The following SERPINB12 variants were observed in gnomAD, a reference collection of about 807,000 sequenced individuals.
SERPINB12 encodes the protein serpin family B member 12, also known as serpin B12.
In SERPINB12, 57 loss-of-function variants were observed where a neutral mutation model predicts 41.1. The observed-to-expected ratio is 1.39, with a 90% confidence interval of 1.12 to 1.73. SERPINB12 has a LOEUF of 1.73. SERPINB12 is among the 40% of genes most tolerant of loss of function. SERPINB12 has a pLI of 0.00. For synonymous variants in SERPINB12, 180 were observed against 181.3 expected, an observed-to-expected ratio of 0.99 and a Z score of 0.06; for missense variants, 536 against 501.9, an observed-to-expected ratio of 1.07 and a Z score of -0.65.
At chr18:63,564,871 A>G (rs184579785) in intron 6 of SERPINB12, among the ~76,000 whole-genome samples, 1 of 152,276 alleles carries the variant, frequency 6.6e-6, no homozygotes, top group Non-Finnish European at 1.5e-5. Flanking sequence ...GTTTACTAAT[A>G]GTCACCTTGG....
At chr18:63,559,050 C>CT (rs754333928) in intron 3 of SERPINB12, among the ~76,000 whole-genome samples, 3 of 91,592 alleles carry the variant, frequency 3.3e-5, no homozygotes, top group African/African-American at 9.2e-5. Flanking sequence ...TTCTTTCTTT[C>CT]TTTCTTTCTC....
upstream of SERPINB12, among the ~76,000 whole-genome samples, chr18:63,540,067 C>G (rs960402027): frequency 6.6e-6 from 1 of 152,140 alleles, no homozygotes; most frequent in Non-Finnish European, 1.5e-5. Flanking sequence ...ACCCTGTTTC[C>G]ACTCCATGGT....
the SERPINB12 span, among the ~76,000 whole-genome samples, chr18:63,528,392 C>CAATAAATCAATA: frequency 6.9e-6 from 1 of 144,882 alleles, no homozygotes; most frequent in Non-Finnish European, 1.5e-5. Flanking sequence ...TCTCTGAGAG[C>CAATAAATCAATA]AATAAATAAA....
rs989439463 is a variant in SERPINB12, at chr18:63,567,748, A to G, written c.*737A>G. Among the ~76,000 whole-genome samples the G allele has an allele frequency of 6.6e-6, 1 of 152,212 alleles. No homozygotes were observed. The highest frequency in any genetic ancestry group is 6.5e-5 in the Admixed American group (1 of 15,288). On this transcript the variant is annotated 3_prime_UTR_variant, in exon 8 of 8. Coordinates refer to ENST00000382768, the MANE Select transcript of SERPINB12 (RefSeq NM_001307928.2). ...TCAGTTTTCCTTATTGAGTCCCCCA[A>G]CATTATCATCAAACACTTCCCTCTG...
At position 63,559,579 on chromosome 18, in the gene SERPINB12, C is replaced by T; in HGVS notation, c.305C>T (p.Ala102Val). Reference protein sequence around the residue: ...KKTTEPLDQQAGSLNNESGLV... With the variant: ...KKTTEPLDQQVGSLNNESGLV... ...ACATTTTGTTTCTTCTTTCCTTAGG[C>T]TGGGTCCTTAAACAATGAGAGCGGA... The change falls in exon 4 of 8, where the codon GCT (alanine) becomes GTT (valine). Residue 102 changes from alanine to valine, a missense_variant and splice_region_variant. Coordinates refer to ENST00000382768, the MANE Select transcript of SERPINB12 (RefSeq NM_001307928.2). 6.2e-7 allele frequency: 1 copy of T among 1,613,876 alleles called. No homozygotes were observed.
In SERPINB12 at chr18:63,566,803, C is replaced by T; in HGVS notation, c.1070C>T (p.Pro357Leu). ...RADLTGISPS[P>L]NLYLSKIIHK... ...GATCTTACTGGAATCTCTCCAAGTCCCAATTTGTACTTGTCAAAAATTATC... is the reference window on the plus strand; with the variant it reads ...GATCTTACTGGAATCTCTCCAAGTCTCAATTTGTACTTGTCAAAAATTATC... The change falls in exon 8 of 8, where the codon CCC becomes CTC. Residue 357 changes from proline (P) to leucine (L), a missense_variant. By Grantham distance (98) the Pro-to-Leu change is moderately conservative. Transcript: ENST00000382768. 1 of 1,614,080 alleles carries T rather than the reference C, an allele frequency of 6.2e-7. No homozygotes were observed.
the SERPINB12 span, among the ~76,000 whole-genome samples, chr18:63,525,023 A>G: frequency 2.6e-5 from 4 of 152,182 alleles, no homozygotes; most frequent in African/African-American, 9.7e-5. Context: ...GTGCTGGATT[A>G]CAGGCGTGAG....
chr18:63,561,132 T>C lies in SERPINB12; in HGVS notation c.492T>C (p.Ser164=), dbSNP rs1327633910. 3.1e-6 allele frequency: 5 copies of C among 1,613,392 alleles called. No homozygotes were observed. Among genetic ancestry groups the C allele is most frequent in the Non-Finnish European group, 4.2e-6 (5 of 1,179,474 alleles). ...AATTTTACCACACGACGATTGAAAG[T>C]GTTGATTTCCAAAAAAACCCTGAAA... ...VIQFYHTTIE[S]VDFQKNPEKS... is the part of the protein sequence containing the mutation. The change falls in exon 5 of 8, where the codon AGT becomes AGC. Residue 164 remains serine, a synonymous_variant. Coordinates refer to ENST00000382768, the MANE Select transcript of SERPINB12 (RefSeq NM_001307928.2).
At chr18:63,519,979 G>A in the SERPINB12 span, among the ~76,000 whole-genome samples, 1 of 152,124 alleles carries the variant, frequency 6.6e-6, no homozygotes, top group African/African-American at 2.4e-5. Flanking sequence ...CTTGGTGCCT[G>A]CTTCTTAGCT....
chr18:63,555,241 G>A (rs1308190855), intron 1 of SERPINB12, among the ~76,000 whole-genome samples: 3 of 152,178 alleles, frequency 2.0e-5, no homozygotes, highest in East Asian at 3.8e-4. Context: ...TAGTTTGCAT[G>A]TGGGATGAGT....
intron 5 of SERPINB12, 93 bp downstream of exon 5, chr18:63,561,295 G>A (rs1375865871): frequency 1.4e-6 from 1 of 739,806 alleles, no homozygotes; most frequent in Admixed American, 2.2e-5. Context: ...TCTACTGGGG[G>A]CCAGAGGTTC....
At chr18:63,529,374 T>C in the SERPINB12 span, among the ~76,000 whole-genome samples, 38 of 152,198 alleles carry the variant, frequency 2.5e-4, no homozygotes, top group Non-Finnish European at 5.0e-4. Flanking sequence ...TGATGGCCTG[T>C]ATGCACAGCT....
chr18:63,551,264 A>G (rs1910520973), intron 1 of SERPINB12, among the ~76,000 whole-genome samples: 1 of 152,010 alleles, frequency 6.6e-6, no homozygotes, highest in Non-Finnish European at 1.5e-5. Context: ...GCGAGACTCC[A>G]TCTCAAACAA....
intron 3 of SERPINB12, 69 bp from the exon 4 acceptor site, chr18:63,559,509 A>G (rs1910826883): frequency 1.3e-6 from 2 of 1,504,170 alleles, no homozygotes; most frequent in Non-Finnish European, 9.1e-7. Flanking sequence ...CAAAACACGC[A>G]TCTTTTAGCG....
Position 63,555,945 on chromosome 18 carries a change from A to G in SERPINB12, c.-18-197A>G, listed in dbSNP as rs547480474. Among the ~76,000 whole-genome samples the G allele has an allele frequency of 6.6e-5, 10 of 152,300 alleles. No individual in the cohort carries two copies. In the East Asian group the frequency reaches 1.9e-3, roughly 29 times the overall value. Reference sequence around the variant, plus strand: ...CCAGGAAACGAATTCACACTACTAAATGAAAATAGATCTCTGTCTATCAAT... The same window carrying G: ...CCAGGAAACGAATTCACACTACTAAGTGAAAATAGATCTCTGTCTATCAAT... On this transcript the variant is annotated intron_variant, in intron 1 of 7. Coordinates refer to ENST00000382768, the MANE Select transcript of SERPINB12 (RefSeq NM_001307928.2).
rs118167441 is a variant in SERPINB12 at position 63,559,131 on chromosome 18, A to C, written c.304-447A>C. ...TTTCTTTTTGTTTTTTCTGAGATGG[A>C]GTTTCGTTGTGTTGCCAGGCTGGAG... On this transcript the variant is annotated intron_variant, in intron 3 of 7. Transcript: ENST00000382768. Among the ~76,000 whole-genome samples the C allele has an allele frequency of 0.031, 4,249 of 137,950 alleles. 291 individuals are homozygous for C. In the East Asian group the frequency reaches 0.31, roughly 10 times the overall value. 90.5% of individuals were successfully genotyped at this position (137,950 alleles called of 152,430 possible).
At chr18:63,560,672 CT>C (rs1018788346) in intron 4 of SERPINB12, among the ~76,000 whole-genome samples, 16 of 151,498 alleles carry the variant, frequency 1.1e-4, no homozygotes, top group African/African-American at 2.2e-4. Flanking sequence ...ATTTCTAAAA[CT>C]TTTTTTTTCA....
chr18:63,529,050 C>A, the SERPINB12 span, among the ~76,000 whole-genome samples: 2 of 152,130 alleles, frequency 1.3e-5, no homozygotes, highest in Non-Finnish European at 2.9e-5. Flanking sequence ...CCATGTGAGG[C>A]GAGCTCACTC....
the SERPINB12 span, among the ~76,000 whole-genome samples, chr18:63,534,425 A>G: frequency 1.3e-5 from 2 of 152,208 alleles, no homozygotes; most frequent in Non-Finnish European, 2.9e-5. Context: ...TTTATCACAC[A>G]AAAGGACCAG....
Sources: allele counts gnomAD v4.1 joint callset (sites outside exome capture counted in the v4.1 genomes callset), GRCh38; gene constraint gnomAD v4.1.1; transcripts MANE v1.5; gene names NCBI Gene and HGNC (gene_info 2026-07-23, HGNC 2026-07-21).